Variants in CENPT observed in about 807,000 individuals in gnomAD.
CENPT encodes centromere protein T.
In CENPT, 42 loss-of-function variants were observed where a neutral mutation model predicts 59.7. The observed-to-expected ratio is 0.70, with a 90% confidence interval of 0.55 to 0.91. The LOEUF is 0.91. Ranked by LOEUF, CENPT falls within the 40% of genes least tolerant of loss-of-function variation. CENPT has a pLI of 0.00. For missense variants in CENPT, 716 were observed against 713.4 expected (o/e 1.00, Z -0.04); for synonymous variants, 295 against 289.6 (o/e 1.02, Z -0.19).
intron 1 of CENPT, among the ~76,000 whole-genome samples, chr16:67,845,574 A>G (rs925631394): frequency 3.9e-5 from 6 of 152,234 alleles, no homozygotes; most frequent in African/African-American, 1.4e-4. Flanking sequence ...GGATCCAGCC[A>G]TGCTCTTCAG....
At chr16:67,831,462 T>C in intron 9 of CENPT, 104 bp from the exon 10 acceptor site, 1 of 1,571,302 alleles carries the variant, frequency 6.4e-7, no homozygotes, top group South Asian at 1.1e-5. Flanking sequence ...GAACAGATGC[T>C]GTGAGGCTAA....
At chr16:67,832,935 T>C (rs2057707635) in intron 4 of CENPT, among the ~76,000 whole-genome samples, 2 of 152,178 alleles carry the variant, frequency 1.3e-5, no homozygotes. Flanking sequence ...TAAAATCTTT[T>C]AAGAACTTGG....
chr16:67,828,557 A>G lies in CENPT; in HGVS notation c.1479T>C (p.His493=), dbSNP rs1281414463. ...VEKCLDKYFQ[H]LCDDLEVFAA... is the part of the protein sequence containing the mutation. ...CAAATACCTCCAGATCATCACAAAG[A>G]TGCTGGAAATATTTATCTAGGCTGT... The change falls in exon 15 of 16, where the codon CAT becomes CAC. Residue 493 remains histidine (H), a synonymous_variant. Coordinates refer to ENST00000562787, the MANE Select transcript of CENPT (RefSeq NM_025082.4). 17 of 1,614,048 alleles carry G rather than the reference A, an allele frequency of 1.1e-5. No individual in the cohort carries two copies. The highest frequency in any genetic ancestry group is 1.4e-5 in the Non-Finnish European group (16 of 1,180,026).
intron 1 of CENPT, among the ~76,000 whole-genome samples, chr16:67,837,759 T>A (rs796633191): frequency 3.9e-5 from 6 of 152,280 alleles, no homozygotes; most frequent in African/African-American, 1.4e-4. Flanking sequence ...ACAGTAGTAT[T>A]CTGTTTGTTC....
intron 10 of CENPT, 48 bp from the exon 11 acceptor site, chr16:67,830,596 G>C (rs2057677573): frequency 2.5e-6 from 4 of 1,595,846 alleles, no homozygotes; most frequent in Non-Finnish European, 3.4e-6. Context: ...CTGGAGATCA[G>C]GGGCCAGCTG....
chr16:67,841,193 C>CAAAAAAA (rs772893427), intron 1 of CENPT, among the ~76,000 whole-genome samples: 2 of 27,566 alleles, frequency 7.3e-5, no homozygotes, highest in East Asian at 1.3e-3. Context: ...GACTCCTTTA[C>CAAAAAAA]AAAAAAAAAA....
intron 11 of CENPT, 25 bp downstream of exon 11, chr16:67,830,365 C>T (rs767009908): frequency 3.2e-6 from 5 of 1,584,940 alleles, no homozygotes; most frequent in Non-Finnish European, 3.4e-6. Context: ...AATTTGGCTC[C>T]AGGCCACCAG....
At chr16:67,833,526 GGCCCGGCTAGA>G (rs1287828523) in intron 4 of CENPT, among the ~76,000 whole-genome samples, 1 of 152,232 alleles carries the variant, frequency 6.6e-6, no homozygotes, top group Non-Finnish European at 1.5e-5. Flanking sequence ...AGCTGGCCCG[GGCCCGGCTAGA>G]GCAATGGAAC....
chr16:67,847,459 A>G lies in CENPT; in HGVS notation c.-550T>C, dbSNP rs2057813427. ...GGCCCGCTCCAGAGTCAGCATGGGT[A>G]AGGGCGCCCGCCTGCCGCAGCCGGG... On this transcript the variant is annotated 5_prime_UTR_variant, in exon 1 of 16. Coordinates refer to ENST00000562787, the MANE Select transcript of CENPT (RefSeq NM_025082.4). 1 of 152,158 alleles carries G rather than the reference A, an allele frequency of 6.6e-6. No individual in the cohort carries two copies. Among genetic ancestry groups the G allele is most frequent in the African/African-American group, 2.4e-5 (1 of 41,430 alleles). The allele number at this position is 152,158 out of a possible 1,614,324, so 9.4% of individuals were successfully genotyped here.
chr16:67,836,699 G>C (rs1018654104), intron 1 of CENPT, among the ~76,000 whole-genome samples: 1 of 151,766 alleles, frequency 6.6e-6, no homozygotes, highest in African/African-American at 2.4e-5. Context: ...TGAGCCTCTC[G>C]AGTAGCTGGG....
In CENPT at chr16:67,828,710, T is replaced by G. The variant is rs1239553581; in HGVS notation, c.1414A>C (p.Lys472Gln). The change falls in exon 14 of 16, where the codon AAG (lysine) becomes CAG (glutamine). Residue 472 changes from lysine (K) to glutamine (Q), a missense_variant. By Grantham distance (53) the Lys-to-Gln change is moderately conservative. Coordinates refer to ENST00000562787, the MANE Select transcript of CENPT (RefSeq NM_025082.4). ...AGAGCCTTCCTCTCCATGGGCATCT[T>G]GGCATAGAAGCTAAAGAGTTTCACA... ...HYVKLFSFYA[K>Q]MPMERKALEM... is the part of the protein sequence containing the mutation. The G allele has an allele frequency of 6.2e-7, 1 of 1,614,054 alleles. No individual in the cohort carries two copies. The highest frequency in any genetic ancestry group is 8.5e-7 in the Non-Finnish European group (1 of 1,180,048).
intron 5 of CENPT, 68 bp downstream of exon 5, chr16:67,832,387 G>C (rs780796322): frequency 6.2e-6 from 10 of 1,607,970 alleles, no homozygotes; most frequent in Non-Finnish European, 8.5e-6. Flanking sequence ...CTCCAGAGCA[G>C]AGCTAGACCT....
chr16:67,830,024 G>C lies in CENPT; in HGVS notation c.927C>G (p.Gly309=), dbSNP rs766444099. ...EAEEVNAFAL[G]FLSTSSGVSG... ...AGACACCACTGCTGGTGCTCAGGAA[G>C]CCCAGAGCAAAGGCATTGACCTCCT... The change falls in exon 12 of 16, where the codon GGC becomes GGG. Residue 309 remains glycine, a synonymous_variant. Coordinates refer to ENST00000562787, the MANE Select transcript of CENPT (RefSeq NM_025082.4). The C allele has an allele frequency of 7.4e-6, 12 of 1,614,206 alleles. No individual in the cohort carries two copies. Among genetic ancestry groups the C allele is most frequent in the Non-Finnish European group, 9.3e-6 (11 of 1,180,016 alleles).
rs913350752 is a variant in CENPT at position 67,834,099 on chromosome 16, A to T, written c.-240T>A. The T allele has an allele frequency of 6.9e-6, 3 of 433,776 alleles. No homozygotes were observed. Among genetic ancestry groups the T allele is most frequent in the African/African-American group, 6.2e-5 (3 of 48,604 alleles). 26.9% of individuals were successfully genotyped at this position (433,776 alleles called of 1,614,324 possible). On this transcript the variant is annotated splice_region_variant and 5_prime_UTR_variant, in exon 4 of 16. The change abolishes an upstream ATG in the 5' untranslated region. Coordinates refer to ENST00000562787, the MANE Select transcript of CENPT (RefSeq NM_025082.4). ...AAGCAGCCCAAGTCTTGGCTTCTTC[A>T]TCTGTAAATTGAGGTTGATACCCAC...
chr16:67,836,204 G>A (rs2057734020), intron 1 of CENPT, among the ~76,000 whole-genome samples: 1 of 151,176 alleles, frequency 6.6e-6, no homozygotes, highest in African/African-American at 2.4e-5. Flanking sequence ...GGGATTACAG[G>A]TGCCCACCAC....
chr16:67,841,010 C>CATATATATATATATATATATATATATAT (rs66882634), intron 1 of CENPT, among the ~76,000 whole-genome samples: 1 of 109,384 alleles, frequency 9.1e-6, no homozygotes, highest in African/African-American at 3.5e-5. Context: ...ATACAAAATA[C>CATATATATATATATATATATATATATAT]ATATATATAT....
At chr16:67,841,975 A>T (rs2057764064) in intron 1 of CENPT, 1 of 152,194 alleles carries the variant, frequency 6.6e-6, no homozygotes, top group African/African-American at 2.4e-5. Context: ...TTCGGAGGGA[A>T]GGCGCCTAGT....
chr16:67,845,564 G>A (rs2057792147), intron 1 of CENPT, among the ~76,000 whole-genome samples: 1 of 152,204 alleles, frequency 6.6e-6, no homozygotes, highest in South Asian at 2.1e-4. Flanking sequence ...GCCTTTTCCA[G>A]GATCCAGCCA....
chr16:67,828,393 G>A lies in CENPT; in HGVS notation c.1563-3C>T. On this transcript the variant is annotated splice_polypyrimidine_tract_variant and splice_region_variant and intron_variant, in intron 15 of 15. Transcript: ENST00000562787. ...CTTGGTCAGTGACCAGGCCCTGCCT[G>A]CAGTGGAGGAAGAGAAGGGACAGGC... 1 of 1,611,414 alleles carries A rather than the reference G, an allele frequency of 6.2e-7. No homozygotes were observed. The highest frequency in any genetic ancestry group is 8.5e-7 in the Non-Finnish European group (1 of 1,177,922).
Sources: allele counts gnomAD v4.1 joint callset (sites outside exome capture counted in the v4.1 genomes callset), GRCh38; gene constraint gnomAD v4.1.1; transcripts MANE v1.5; gene names NCBI Gene and HGNC (gene_info 2026-07-23, HGNC 2026-07-21).